Variants in DNAH11 observed in about 807,000 individuals in gnomAD.
The protein encoded by DNAH11 is dynein axonemal heavy chain 11.
Under a neutral mutation model 526.0 loss-of-function variants are expected in DNAH11, and 442 were observed. The ratio of observed to expected loss-of-function variants is 0.84; its 90% CI spans 0.78 to 0.91. The LOEUF (loss-of-function observed/expected upper bound fraction) is 0.91, where lower values mean the gene tolerates loss of function less well. Ranked by LOEUF, DNAH11 falls within the 40% of genes least tolerant of loss-of-function variation. The pLI, the probability that DNAH11 is intolerant of heterozygous loss-of-function variation, is 0.00. For missense variants in DNAH11, 6,989 were observed against 5,448.7 expected (o/e 1.28, Z -8.90); for synonymous variants, 2,461 against 1,935.9 (o/e 1.27, Z -7.12).
intron 61 of DNAH11, among the ~76,000 whole-genome samples, chr7:21,792,624 GAGTGTATATGTGC>G (rs568209412): frequency 1.7e-4 from 26 of 152,264 alleles, no homozygotes; most frequent in African/African-American, 5.5e-4. Context: ...AATCTTGGTA[GAGTGTATATGTGC>G]AGGAATTTTT....
At position 21,744,418 on chromosome 7, in the gene DNAH11, TC is replaced by T. The variant is rs1329177714; in HGVS notation, c.8155-16del. ...ATCAGCCTCTGAATTAAAGGTATTT[TC>T]CCCATTCTTGCCTTGTAGGGGATTT... On this transcript the variant is annotated intron_variant, in intron 49 of 81. Coordinates refer to ENST00000409508, the MANE Select transcript of DNAH11 (RefSeq NM_001277115.2). 6.2e-7 allele frequency: 1 copy of T among 1,609,922 alleles called. No homozygotes were observed.
chr7:21,741,973 T>C lies in DNAH11; in HGVS notation c.7961T>C (p.Leu2654Pro), dbSNP rs778585835. The change falls in exon 49 of 82, where the codon CTA (leucine) becomes CCA (proline). Residue 2654 changes from leucine (L) to proline (P), a missense_variant. By Grantham distance (98) the Leu-to-Pro change is moderately conservative. Coordinates refer to ENST00000409508, the MANE Select transcript of DNAH11 (RefSeq NM_001277115.2). The stretch of plus-strand genomic sequence containing the variant: ...TTCAATTTTCCATCTTTGGATGCAC[T>C]AAACACCATCTATGGCCAAATCTTT... ...FAFNFPSLDALNTIYGQIFSF... is the reference protein window; with the variant it reads ...FAFNFPSLDAPNTIYGQIFSF... The C allele has an allele frequency of 6.2e-7, 1 of 1,613,916 alleles. No homozygotes were observed. The highest frequency in any genetic ancestry group is 8.5e-7 in the Non-Finnish European group (1 of 1,179,820).
chr7:21,719,049 G>T (rs1247546894), intron 43 of DNAH11, among the ~76,000 whole-genome samples: 2 of 152,152 alleles, frequency 1.3e-5, no homozygotes, highest in Non-Finnish European at 2.9e-5. Flanking sequence ...GTTCACTTGT[G>T]TATTTGTGTG....
rs185644289 is a variant in DNAH11 at position 21,603,937 on chromosome 7, A to G, written c.3648+2319A>G. Among the ~76,000 whole-genome samples, 344 of 152,302 alleles carry G rather than the reference A, an allele frequency of 2.3e-3. 4 individuals carry two copies. The highest frequency in any genetic ancestry group is 7.9e-4 in the Non-Finnish European group (54 of 68,032). On this transcript the variant is annotated intron_variant, in intron 18 of 81. Transcript: ENST00000409508. The stretch of plus-strand genomic sequence containing the variant: ...TATTGAAAGCATTAGGCTTTTCAAC[A>G]TTTCAAAAGCAGAATACAATTTTAG...
At chr7:21,802,901 T>C (rs2127994113) in intron 62 of DNAH11, among the ~76,000 whole-genome samples, 1 of 151,536 alleles carries the variant, frequency 6.6e-6, no homozygotes, top group Admixed American at 6.6e-5. Context: ...GAGAGAAATG[T>C]ACTAAAGTTA....
At chr7:21,837,193 G>GA (rs1782028162) in intron 65 of DNAH11, among the ~76,000 whole-genome samples, 1 of 152,048 alleles carries the variant, frequency 6.6e-6, no homozygotes, top group African/African-American at 2.4e-5. Flanking sequence ...GAGATTCCTC[G>GA]AAAAACTAAG....
At chr7:21,750,092 C>T (rs914404740) in intron 53 of DNAH11, 130 bp from the exon 54 acceptor site, 10 of 1,229,506 alleles carry the variant, frequency 8.1e-6, no homozygotes, top group East Asian at 2.6e-5. Context: ...AGAAACATGA[C>T]GTTTCTGATT....
chr7:21,800,102 A>G (rs1397664636), intron 61 of DNAH11, among the ~76,000 whole-genome samples: 3 of 152,188 alleles, frequency 2.0e-5, no homozygotes, highest in African/African-American at 7.2e-5. Context: ...AGGAAACAAG[A>G]AGCTGCCATG....
At chr7:21,605,109 A>G (rs1785232501) in intron 18 of DNAH11, among the ~76,000 whole-genome samples, 1 of 152,196 alleles carries the variant, frequency 6.6e-6, no homozygotes, top group Admixed American at 6.5e-5. Flanking sequence ...TTATAAAACA[A>G]TTTGAGAGAA....
intron 25 of DNAH11, among the ~76,000 whole-genome samples, chr7:21,622,373 T>G (rs563667362): frequency 5.9e-5 from 9 of 152,160 alleles, no homozygotes; most frequent in Non-Finnish European, 1.0e-4. Context: ...AGAATCAATA[T>G]TGTGAAAATG....
chr7:21,660,399 C>G (rs749746737), intron 30 of DNAH11, among the ~76,000 whole-genome samples: 18 of 151,882 alleles, frequency 1.2e-4, no homozygotes, highest in Non-Finnish European at 2.2e-4. Context: ...TTATTTTACT[C>G]TGTTTTTTTT....
At chr7:21,720,685 A>T (rs936232133) in intron 43 of DNAH11, 40 bp from the exon 44 acceptor site, 25 of 1,517,244 alleles carry the variant, frequency 1.6e-5, no homozygotes, top group African/African-American at 1.1e-4. Context: ...TCACTATTTT[A>T]AAAAAATGTT....
At position 21,900,049 on chromosome 7, in the gene DNAH11, C is replaced by T. The variant is rs1345239815; in HGVS notation, c.13232C>T (p.Thr4411Ile). Reference protein sequence around the residue: ...LDKTRLTADVTKKTKEDYGHP... With the variant: ...LDKTRLTADVIKKTKEDYGHP... ...AAAACGCGCTTGACTGCTGATGTTA[C>T]CAAAAAAACAAAGGAAGATTATGGA... Residue 4411 changes from threonine (T) to isoleucine (I), a missense_variant, in exon 81 of 82, where the codon ACC (threonine) becomes ATC (isoleucine). Transcript: ENST00000409508. 2 of 1,613,678 alleles carry T rather than the reference C, an allele frequency of 1.2e-6. No individual in the cohort carries two copies. Among genetic ancestry groups the T allele is most frequent in the African/African-American group, 2.7e-5 (2 of 74,952 alleles).
chr7:21,715,569 AGTC>A (rs779307887), intron 42 of DNAH11, among the ~76,000 whole-genome samples: 3 of 152,118 alleles, frequency 2.0e-5, no homozygotes, highest in Non-Finnish European at 4.4e-5. Flanking sequence ...ATATAATAGT[AGTC>A]ATGTTCCACA....
At chr7:21,826,727 G>A (rs1418757738) in intron 65 of DNAH11, among the ~76,000 whole-genome samples, 1 of 152,166 alleles carries the variant, frequency 6.6e-6, no homozygotes, top group African/African-American at 2.4e-5. Flanking sequence ...GGACTGTTGA[G>A]CTGCCACATT....
chr7:21,596,367 G>A (rs550524955), intron 14 of DNAH11, among the ~76,000 whole-genome samples: 2 of 152,236 alleles, frequency 1.3e-5, no homozygotes, highest in South Asian at 4.2e-4. Flanking sequence ...GAATCTCAGG[G>A]GTGTCCTGAC....
chr7:21,790,310 C>T lies in DNAH11; in HGVS notation c.10026+968C>T, dbSNP rs559350067. On this transcript the variant is annotated intron_variant, in intron 61 of 81. Transcript: ENST00000409508. ...AAATACAAAAAGAAATTTAGCCGGGCGTCATGGCGGGTGACTGTAGTCCCA... is the reference window on the plus strand; with the variant it reads ...AAATACAAAAAGAAATTTAGCCGGGTGTCATGGCGGGTGACTGTAGTCCCA... Among the ~76,000 whole-genome samples the T allele has an allele frequency of 3.9e-5, 6 of 151,990 alleles. No individual in the cohort carries two copies. The East Asian group carries it at 5.8e-4, about 15-fold the overall frequency.
intron 28 of DNAH11, among the ~76,000 whole-genome samples, chr7:21,640,862 T>C (rs182238457): frequency 8.1e-4 from 124 of 152,296 alleles, no homozygotes; most frequent in Non-Finnish European, 1.2e-3. Context: ...CCCCCGTCTC[T>C]GTCCATTTAT....
chr7:21,875,424 T>G (rs1462416462), intron 74 of DNAH11, among the ~76,000 whole-genome samples: 3 of 152,184 alleles, frequency 2.0e-5, no homozygotes, highest in African/African-American at 7.2e-5. Context: ...TTTGTTTGTT[T>G]TGTTTTTTTG....
Sources: gnomAD v4.1 joint callset for allele counts (sites outside exome capture counted in the v4.1 genomes callset) on GRCh38, gnomAD v4.1.1 for gene constraint, MANE v1.5 for transcripts, NCBI Gene and HGNC (gene_info 2026-07-23, HGNC 2026-07-21) for gene names.